The following ADISSP variants were observed in gnomAD, a reference collection of about 807,000 sequenced individuals.
The protein encoded by ADISSP is adipose secreted signaling protein.
At chr20:3,767,348 G>C in the ADISSP span, 2 of 152,338 alleles carry the variant, frequency 1.3e-5, no homozygotes, top group African/African-American at 4.8e-5. Flanking sequence ...ACAGGGTCGT[G>C]GGGAGGAGGG....
the ADISSP span, chr20:3,758,552 C>T: frequency 1.9e-6 from 3 of 1,613,730 alleles, no homozygotes; most frequent in Non-Finnish European, 2.5e-6. This position sits in a 1 kb window ranked among gnomAD's most constrained non-coding sequence, Gnocchi z 5.5. Context: ...CAGAAAGCTG[C>T]TGTCACTCTC....
chr20:3,761,342 T>G, the ADISSP span, among the ~76,000 whole-genome samples: 4 of 151,170 alleles, frequency 2.6e-5, no homozygotes, highest in African/African-American at 7.3e-5. Context: ...TTTTGTTTTT[T>G]TTTTTTTTCT....
At chr20:3,760,065 G>A in the ADISSP span, 12 of 1,613,066 alleles carry the variant, frequency 7.4e-6, no homozygotes, top group South Asian at 1.1e-5. Context: ...GTCCTACCAC[G>A]CCAGGAAGGC....
chr20:3,767,000 CG>C, the ADISSP span, among the ~76,000 whole-genome samples: 1 of 152,196 alleles, frequency 6.6e-6, no homozygotes, highest in African/African-American at 2.4e-5. Context: ...CCCAAGCCCC[CG>C]AGGCCCCAAG....
At chr20:3,760,250 AC>A in the ADISSP span, 1 of 629,820 alleles carries the variant, frequency 1.6e-6, no homozygotes, top group Admixed American at 2.6e-5. Flanking sequence ...GCTCAGGGAC[AC>A]CAGAGGAGCT....
chr20:3,764,488 C>A, the ADISSP span, among the ~76,000 whole-genome samples: 2 of 152,192 alleles, frequency 1.3e-5, no homozygotes, highest in African/African-American at 4.8e-5. Flanking sequence ...CAATCCCGTC[C>A]CTCCCAGCCA....
the ADISSP span, chr20:3,755,484 C>G: frequency 6.2e-7 from 1 of 1,611,904 alleles, no homozygotes; most frequent in Non-Finnish European, 8.5e-7. Context: ...GGGACGGGCA[C>G]CACGCTGAGG....
the ADISSP span, among the ~76,000 whole-genome samples, chr20:3,757,646 T>A: frequency 6.6e-6 from 1 of 152,180 alleles, no homozygotes; most frequent in South Asian, 2.1e-4. Flanking sequence ...TGTTTGTTTG[T>A]TTGAGACAGA....
the ADISSP span, chr20:3,758,645 G>A: frequency 1.9e-4 from 300 of 1,613,990 alleles, no homozygotes; most frequent in African/African-American, 2.5e-4. The surrounding 1 kb of genome is among the most constrained non-coding windows in gnomAD (Gnocchi z 5.5). Context: ...GTGGCCTGCC[G>A]CAAAGCGGAT....
chr20:3,754,612 G>T, the ADISSP span: 3 of 1,332,136 alleles, frequency 2.3e-6, no homozygotes, highest in African/African-American at 4.3e-5. Flanking sequence ...CACCATGGGG[G>T]GACTGCATGC....
the ADISSP span, chr20:3,755,414 AC>A: frequency 1.3e-6 from 2 of 1,550,914 alleles, no homozygotes. Flanking sequence ...GTAAGGGAGC[AC>A]CCCATGTTCT....
the ADISSP span, among the ~76,000 whole-genome samples, chr20:3,762,483 A>C: frequency 2.6e-5 from 4 of 151,664 alleles, no homozygotes; most frequent in African/African-American, 7.3e-5. Context: ...CAATCCTCCC[A>C]CCCCAGCCTG....
At chr20:3,755,839 C>T in the ADISSP span, among the ~76,000 whole-genome samples, 1 of 152,214 alleles carries the variant, frequency 6.6e-6, no homozygotes, top group Non-Finnish European at 1.5e-5. Flanking sequence ...AGATCCTCAG[C>T]ATCTGTCTCA....
chr20:3,760,611 A>G, the ADISSP span, among the ~76,000 whole-genome samples: 3 of 152,248 alleles, frequency 2.0e-5, no homozygotes, highest in Non-Finnish European at 2.9e-5. Flanking sequence ...CAAGCAATGC[A>G]GCTGGGTGCG....
chr20:3,764,524 A>G, the ADISSP span, among the ~76,000 whole-genome samples: 1 of 152,208 alleles, frequency 6.6e-6, no homozygotes, highest in East Asian at 1.9e-4. Flanking sequence ...CTCAGCCCCA[A>G]CATTTCTTTT....
At chr20:3,754,868 G>A in the ADISSP span, among the ~76,000 whole-genome samples, 1 of 152,202 alleles carries the variant, frequency 6.6e-6, no homozygotes, top group Non-Finnish European at 1.5e-5. Context: ...GAGTGAGGGG[G>A]GCAGGGCAGG....
At chr20:3,760,312 C>T in the ADISSP span, 1 of 563,786 alleles carries the variant, frequency 1.8e-6, no homozygotes, top group Non-Finnish European at 3.2e-6. Flanking sequence ...CCAAGTGGTG[C>T]CTGTACTCTC....
the ADISSP span, among the ~76,000 whole-genome samples, chr20:3,756,242 C>T: frequency 2.5e-3 from 381 of 152,390 alleles, 1 homozygote; most frequent in African/African-American, 7.5e-3. Flanking sequence ...GGCTGCCCTG[C>T]TGGCACTGGA....
chr20:3,762,493 G>A, the ADISSP span, among the ~76,000 whole-genome samples: 5 of 151,960 alleles, frequency 3.3e-5, no homozygotes. Flanking sequence ...ACCCCAGCCT[G>A]CCAAGTAGCT....
Sources: allele counts gnomAD v4.1 joint callset (sites outside exome capture counted in the v4.1 genomes callset), GRCh38; gene constraint gnomAD v4.1.1; non-coding constraint Gnocchi (gnomAD v3.1); transcripts MANE v1.5; gene names NCBI Gene and HGNC (gene_info 2026-07-23, HGNC 2026-07-21).